Variants in ARHGEF28 observed in about 807,000 individuals in gnomAD.
ARHGEF28 encodes the protein 190 kDa guanine nucleotide exchange factor.
ARHGEF28 carries 152 observed loss-of-function variants against 206.6 expected under a neutral mutation model. The ratio of observed to expected loss-of-function variants is 0.74; its 90% CI spans 0.64 to 0.84. The LOEUF is 0.84. Among genes scored for constraint, ARHGEF28 ranks in the 40% least tolerant of loss-of-function variants. The probability of loss-of-function intolerance (pLI) is 0.00; values close to 1 mark genes in which losing one functional copy is unlikely to be tolerated. For missense variants in ARHGEF28, 2,028 were observed against 2,073.2 expected (o/e 0.98, Z 0.42); for synonymous variants, 763 against 776.4 (o/e 0.98, Z 0.29).
intron 22 of ARHGEF28, among the ~76,000 whole-genome samples, chr5:73,875,499 C>T (rs1248865595): frequency 6.7e-6 from 1 of 148,336 alleles, no homozygotes; most frequent in Non-Finnish European, 1.5e-5. Flanking sequence ...TTGCCCATGC[C>T]TATGTCCTGA....
At chr5:73,743,443 C>T (rs1751549222) in intron 2 of ARHGEF28, among the ~76,000 whole-genome samples, 1 of 152,108 alleles carries the variant, frequency 6.6e-6, no homozygotes, top group Non-Finnish European at 1.5e-5. Context: ...TCTATTTTAT[C>T]CTATCTGGAG....
chr5:73,736,574 C>T (rs913301554), intron 2 of ARHGEF28, among the ~76,000 whole-genome samples: 7 of 152,076 alleles, frequency 4.6e-5, no homozygotes, highest in African/African-American at 7.2e-5. Flanking sequence ...CCTATCATGG[C>T]CATTTTTATC....
intron 35 of ARHGEF28, 66 bp from the exon 36 acceptor site, chr5:73,940,778 C>T (rs777438145): frequency 1.5e-5 from 19 of 1,308,270 alleles, no homozygotes; most frequent in South Asian, 4.4e-5. Context: ...AGAGCTCTAA[C>T]GCCAAGACAT....
chr5:73,876,364 A>C lies in ARHGEF28; in HGVS notation c.2814+3118A>C, dbSNP rs1760487059. Among the ~76,000 whole-genome samples the C allele has an allele frequency of 5.6e-5, 5 of 88,528 alleles. 1 individual carries two copies. In the Admixed American group the frequency reaches 5.9e-4, roughly 10 times the overall value. The allele number at this position is 88,528 out of a possible 152,430, so 58.1% of individuals were successfully genotyped here. On this transcript the variant is annotated intron_variant, in intron 22 of 35. Coordinates refer to ENST00000513042, the MANE Select transcript of ARHGEF28 (RefSeq NM_001177693.2). ...CTAGATATACAATGATGTCATCTGC[A>C]AACAGGGACAATTTGACTTCCTCTT...
intron 35 of ARHGEF28, among the ~76,000 whole-genome samples, chr5:73,935,391 G>T (rs1390099084): frequency 6.6e-6 from 1 of 152,154 alleles, no homozygotes; most frequent in African/African-American, 2.4e-5. Context: ...ATAAACTCCA[G>T]ACTGGTTGTC....
intron 9 of ARHGEF28, among the ~76,000 whole-genome samples, chr5:73,831,369 A>G (rs1386436176): frequency 2.0e-5 from 3 of 152,248 alleles, no homozygotes; most frequent in South Asian, 4.1e-4. Flanking sequence ...TTCATTCTCT[A>G]CAAACACAGT....
intron 34 of ARHGEF28, among the ~76,000 whole-genome samples, chr5:73,910,921 A>C (rs2112729180): frequency 1.3e-5 from 2 of 152,222 alleles, no homozygotes; most frequent in Middle Eastern, 6.8e-3. Context: ...AAGTTGGCTA[A>C]ATTATGTTTA....
At chr5:73,923,207 CCA>C (rs1175212420) in intron 35 of ARHGEF28, 8 of 1,491,326 alleles carry the variant, frequency 5.4e-6, no homozygotes, top group Admixed American at 4.1e-5. Context: ...TTAGGGTACT[CCA>C]CTCAACTACC....
At chr5:73,829,789 C>T (rs116279502) in intron 9 of ARHGEF28, among the ~76,000 whole-genome samples, 6,291 of 152,040 alleles carry the variant, frequency 0.041, 182 homozygotes, top group Non-Finnish European at 0.062. Flanking sequence ...AGAAAAAAGG[C>T]GAGTCCATTT....
intron 9 of ARHGEF28, among the ~76,000 whole-genome samples, chr5:73,817,585 A>G (rs1311341513): frequency 6.6e-6 from 1 of 152,220 alleles, no homozygotes; most frequent in Non-Finnish European, 1.5e-5. Context: ...AGGAGAAGGG[A>G]TGAAAGAATG....
rs1380794893 is a variant in ARHGEF28, at chr5:73,874,702, AATG to A, written c.2814+1462_2814+1464del. 2.1e-4 allele frequency among the ~76,000 whole-genome samples: 31 copies of A among 151,172 alleles called. No individual in the cohort carries two copies. In the South Asian group the frequency reaches 6.5e-3, roughly 32 times the overall value. On this transcript the variant is annotated intron_variant, in intron 22 of 35. Transcript: ENST00000513042. ...TTTGTCCTTGCGATAGTTTGCTGAG[AATG>A]ATGATTTCCAATTTCATCCATGTCC...
At chr5:73,811,376 A>T (rs1288031329) in intron 9 of ARHGEF28, among the ~76,000 whole-genome samples, 1 of 152,234 alleles carries the variant, frequency 6.6e-6, no homozygotes, top group Non-Finnish European at 1.5e-5. Flanking sequence ...GTTCTTGTAG[A>T]TGTTTTTGTC....
intron 1 of ARHGEF28, among the ~76,000 whole-genome samples, chr5:73,682,414 C>G (rs1473965079): frequency 6.8e-6 from 1 of 147,020 alleles, no homozygotes; most frequent in Non-Finnish European, 1.5e-5. Flanking sequence ...TATCACAATT[C>G]ATTCTTTTTT....
intron 1 of ARHGEF28, among the ~76,000 whole-genome samples, chr5:73,649,728 G>T (rs1008730040): frequency 6.6e-6 from 1 of 152,216 alleles, no homozygotes; most frequent in African/African-American, 2.4e-5. Flanking sequence ...TATCAGAAGG[G>T]AGTGTGTGCT....
At chr5:73,671,771 T>C (rs1746361364) in intron 1 of ARHGEF28, among the ~76,000 whole-genome samples, 2 of 87,508 alleles carry the variant, frequency 2.3e-5, no homozygotes, top group Non-Finnish European at 4.4e-5. Context: ...TTTTTTTTTT[T>C]TTGAGACGGA....
chr5:73,626,910 T>A (rs543729744), intron 1 of ARHGEF28, among the ~76,000 whole-genome samples: 1 of 152,342 alleles, frequency 6.6e-6, no homozygotes, highest in African/African-American at 2.4e-5. Flanking sequence ...TTTTATGGAT[T>A]TGTTTCCCCT....
chr5:73,821,688 T>C (rs2112539309), intron 9 of ARHGEF28, among the ~76,000 whole-genome samples: 1 of 152,088 alleles, frequency 6.6e-6, no homozygotes, highest in East Asian at 1.9e-4. Flanking sequence ...GTTCTTCCCC[T>C]CTCGGTTTGC....
At chr5:73,916,692 C>T (rs1763232115) in intron 35 of ARHGEF28, among the ~76,000 whole-genome samples, 2 of 152,040 alleles carry the variant, frequency 1.3e-5, no homozygotes, top group South Asian at 4.2e-4. Flanking sequence ...GGGGTTAGGA[C>T]CTTAACATGT....
At chr5:73,813,808 C>CAGAT (rs1756001945) in intron 9 of ARHGEF28, 6 of 879,962 alleles carry the variant, frequency 6.8e-6, no homozygotes, top group Admixed American at 2.5e-5. Flanking sequence ...ACTCACTGTA[C>CAGAT]AGATACATAT....
Sources: gnomAD v4.1 joint callset for allele counts (sites outside exome capture counted in the v4.1 genomes callset) on GRCh38, gnomAD v4.1.1 for gene constraint, MANE v1.5 for transcripts, NCBI Gene and HGNC (gene_info 2026-07-23, HGNC 2026-07-21) for gene names.